SRBD1: variants seen among roughly 807,000 people sequenced by gnomAD.
SRBD1 encodes the protein S1 RNA binding domain 1.
In SRBD1, 88 loss-of-function variants were observed where a neutral mutation model predicts 115.3. The observed-to-expected ratio is 0.76, with a 90% CI of 0.64 to 0.91. The LOEUF (loss-of-function observed/expected upper bound fraction) is 0.91, where lower values mean the gene tolerates loss of function less well. SRBD1 is among the 40% of genes least tolerant of loss of function. The pLI, the probability that SRBD1 is intolerant of heterozygous loss-of-function variation, is 0.00. For synonymous variants in SRBD1, 509 were observed against 407.7 expected, an observed-to-expected ratio of 1.25 and a Z score of -2.99; for missense variants, 1,385 against 1,177.4, an observed-to-expected ratio of 1.18 and a Z score of -2.58.
chr2:45,586,259 A>C (rs1029718000), intron 4 of SRBD1, among the ~76,000 whole-genome samples: 14 of 152,174 alleles, frequency 9.2e-5, no homozygotes, highest in Admixed American at 6.5e-5. Context: ...AGAAAATATT[A>C]TTTATAATAA....
At chr2:45,517,656 A>T (rs1339979745) in intron 14 of SRBD1, among the ~76,000 whole-genome samples, 1 of 152,050 alleles carries the variant, frequency 6.6e-6, no homozygotes, top group African/African-American at 2.4e-5. Flanking sequence ...TTTATATTTT[A>T]TTTTTTTCTA....
intron 16 of SRBD1, among the ~76,000 whole-genome samples, chr2:45,438,484 G>A (rs1411970466): frequency 1.3e-5 from 2 of 152,104 alleles, no homozygotes; most frequent in African/African-American, 2.4e-5. Flanking sequence ...GGACTTAAAG[G>A]CAAATATGGT....
At chr2:45,405,220 T>C (rs1393252429) in intron 19 of SRBD1, among the ~76,000 whole-genome samples, 3 of 152,198 alleles carry the variant, frequency 2.0e-5, no homozygotes, top group Non-Finnish European at 4.4e-5. Context: ...ACTTGGAATA[T>C]GGCAATCACT....
rs1276297546 is a variant in SRBD1 at position 45,550,493 on chromosome 2, C to A, written c.1675+632G>T. Among the ~76,000 whole-genome samples the A allele has an allele frequency of 5.0e-4, 68 of 135,522 alleles. 1 individual carries two copies. Among genetic ancestry groups the A allele is most frequent in the South Asian group, 9.4e-4 (4 of 4,238 alleles). The allele number at this position is 135,522 out of a possible 152,430, so 88.9% of individuals were successfully genotyped here. On this transcript the variant is annotated intron_variant, in intron 12 of 20. Transcript: ENST00000263736. ...ACTTCTCAACAAAAATTACAGTAGC[C>A]AAAAAAAAAAAAAAGAATGACATCT...
chr2:45,592,846 C>A (rs181230172), intron 4 of SRBD1, among the ~76,000 whole-genome samples: 201 of 152,278 alleles, frequency 1.3e-3, no homozygotes, highest in African/African-American at 4.6e-3. Flanking sequence ...AATGCAAATT[C>A]TTGGGTCCCA....
chr2:45,581,370 C>T (rs780841910), intron 6 of SRBD1, among the ~76,000 whole-genome samples: 1 of 152,212 alleles, frequency 6.6e-6, no homozygotes, highest in African/African-American at 2.4e-5. Flanking sequence ...GTACCAACTA[C>T]AGGCTGAAGA....
chr2:45,541,021 C>T (rs747086781), intron 14 of SRBD1, among the ~76,000 whole-genome samples: 1 of 152,226 alleles, frequency 6.6e-6, no homozygotes, highest in African/African-American at 2.4e-5. Context: ...TCCACTCACT[C>T]AAGCTGGCAG....
At chr2:45,570,265 G>A (rs546044323) in intron 9 of SRBD1, among the ~76,000 whole-genome samples, 4 of 152,196 alleles carry the variant, frequency 2.6e-5, no homozygotes, top group Non-Finnish European at 5.9e-5. Context: ...AAAGGACCAA[G>A]GGCAAGCATT....
At chr2:45,554,030 A>G (rs960584671) in intron 10 of SRBD1, among the ~76,000 whole-genome samples, 7 of 152,182 alleles carry the variant, frequency 4.6e-5, no homozygotes, top group African/African-American at 1.4e-4. Flanking sequence ...AGATACAAGA[A>G]AGTCACCAAA....
chr2:45,600,703 G>A (rs918988920), intron 3 of SRBD1, among the ~76,000 whole-genome samples: 4 of 152,152 alleles, frequency 2.6e-5, no homozygotes, highest in Admixed American at 1.3e-4. Context: ...AATGAGACTT[G>A]GCACCCATCT....
intron 10 of SRBD1, among the ~76,000 whole-genome samples, chr2:45,558,332 T>A (rs1272355741): frequency 6.6e-6 from 1 of 152,262 alleles, no homozygotes; most frequent in Non-Finnish European, 1.5e-5. Context: ...TTAAAAAAAA[T>A]TTCCTTAGAT....
At chr2:45,394,221 C>G (rs1228597105) in intron 19 of SRBD1, among the ~76,000 whole-genome samples, 6 of 152,020 alleles carry the variant, frequency 3.9e-5, no homozygotes, top group African/African-American at 1.2e-4. Context: ...TTACCATTAC[C>G]TTTGATTGCA....
intron 19 of SRBD1, among the ~76,000 whole-genome samples, chr2:45,394,589 T>G (rs1292361833): frequency 2.0e-5 from 3 of 152,188 alleles, no homozygotes; most frequent in African/African-American, 7.2e-5. Flanking sequence ...AAAGAATGCT[T>G]GTGATTTTAA....
chr2:45,492,565 A>C (rs920893846), intron 14 of SRBD1, among the ~76,000 whole-genome samples: 1 of 152,058 alleles, frequency 6.6e-6, no homozygotes, highest in Non-Finnish European at 1.5e-5. Context: ...CAGCCTCCCA[A>C]GTAGCTGGGA....
chr2:45,592,694 C>T (rs986828868), intron 4 of SRBD1, among the ~76,000 whole-genome samples: 2 of 152,188 alleles, frequency 1.3e-5, no homozygotes, highest in African/African-American at 2.4e-5. Context: ...AGCCATTCAA[C>T]AATGGATCCA....
intron 14 of SRBD1, among the ~76,000 whole-genome samples, chr2:45,544,337 T>G (rs1009456953): frequency 5.3e-5 from 8 of 151,690 alleles, no homozygotes; most frequent in African/African-American, 1.9e-4. Flanking sequence ...AAATAGGAGA[T>G]ACATAACACA....
chr2:45,598,168 C>T (rs1336605486), intron 4 of SRBD1, among the ~76,000 whole-genome samples: 3 of 152,048 alleles, frequency 2.0e-5, no homozygotes, highest in African/African-American at 7.2e-5. Flanking sequence ...TATAAATGAA[C>T]AAAGAAAAAG....
intron 14 of SRBD1, among the ~76,000 whole-genome samples, chr2:45,503,580 C>G (rs1166336193): frequency 4.6e-5 from 7 of 152,118 alleles, no homozygotes; most frequent in Admixed American, 4.6e-4. Context: ...AATTCACATA[C>G]CAATTCATCC....
chr2:45,411,297 G>C (rs535426825), intron 19 of SRBD1, among the ~76,000 whole-genome samples: 51 of 152,318 alleles, frequency 3.3e-4, no homozygotes, highest in African/African-American at 1.1e-3. Flanking sequence ...AGAGTAGACA[G>C]TATAAAAAAG....
Sources: allele counts gnomAD v4.1 joint callset (sites outside exome capture counted in the v4.1 genomes callset), GRCh38; gene constraint gnomAD v4.1.1; transcripts MANE v1.5; gene names NCBI Gene and HGNC (gene_info 2026-07-23, HGNC 2026-07-21).